RGS6: variants seen among roughly 807,000 people sequenced by gnomAD.
RGS6 encodes the protein regulator of G-protein signaling 6.
RGS6 carries 30 observed loss-of-function variants against 78.5 expected under a neutral mutation model. That is an observed-to-expected ratio of 0.38 (90% CI 0.29 to 0.52). The LOEUF (loss-of-function observed/expected upper bound fraction) is 0.52, where lower values mean the gene tolerates loss of function less well. RGS6 is among the 20% of genes least tolerant of loss of function. RGS6 has a pLI of 0.85. For synonymous variants in RGS6, 206 were observed against 206.0 expected (o/e 1.00, Z 0.00); for missense variants, 495 against 609.7 (o/e 0.81, Z 1.98).
chr14:72,403,860 G>A (rs144721198), intron 3 of RGS6, among the ~76,000 whole-genome samples: 56 of 152,290 alleles, frequency 3.7e-4, no homozygotes, highest in Admixed American at 1.2e-3. Flanking sequence ...TTACCTGAGA[G>A]TGCTGAAAGA....
chr14:72,351,393 T>C (rs1484769855), intron 2 of RGS6, among the ~76,000 whole-genome samples: 1 of 152,220 alleles, frequency 6.6e-6, no homozygotes, highest in Non-Finnish European at 1.5e-5. Flanking sequence ...CTGTTCTGTT[T>C]TCACCAGTAG....
At chr14:72,297,530 C>T (rs1265996717) in intron 2 of RGS6, among the ~76,000 whole-genome samples, 1 of 149,306 alleles carries the variant, frequency 6.7e-6, no homozygotes, top group African/African-American at 2.5e-5. Context: ...CCCACTAACT[C>T]GTCATCTAGC....
chr14:72,255,022 C>A (rs1008493278), intron 2 of RGS6, among the ~76,000 whole-genome samples: 9 of 152,182 alleles, frequency 5.9e-5, no homozygotes, highest in African/African-American at 1.9e-4. Flanking sequence ...TTTTGAGGCT[C>A]ACAGTTCCCT....
the RGS6 span, among the ~76,000 whole-genome samples, chr14:71,924,413 A>G: frequency 7.9e-3 from 1,202 of 152,312 alleles, 12 homozygotes; most frequent in African/African-American, 0.027. Context: ...AGCACCTAAA[A>G]TCTACTCTCT....
chr14:71,917,970 G>A, the RGS6 span, among the ~76,000 whole-genome samples: 30 of 151,846 alleles, frequency 2.0e-4, no homozygotes, highest in Admixed American at 2.0e-3. Context: ...TCAGGAGATC[G>A]AGACCATCCT....
chr14:72,308,611 A>T (rs902400576), intron 2 of RGS6, among the ~76,000 whole-genome samples: 1 of 152,236 alleles, frequency 6.6e-6, no homozygotes, highest in East Asian at 1.9e-4. Context: ...ATTAGTTAGT[A>T]TGAAAATTTG....
intron 3 of RGS6, among the ~76,000 whole-genome samples, chr14:72,357,125 G>C (rs970221393): frequency 6.6e-6 from 1 of 151,974 alleles, no homozygotes; most frequent in Non-Finnish European, 1.5e-5. Flanking sequence ...ACAAAAATTA[G>C]CTCAGTGGTA....
intron 2 of RGS6, among the ~76,000 whole-genome samples, chr14:72,329,736 G>T (rs955539398): frequency 2.0e-5 from 3 of 152,222 alleles, no homozygotes; most frequent in African/African-American, 7.2e-5. Flanking sequence ...TGGAGCAGCT[G>T]TGTGACAGAT....
intron 2 of RGS6, among the ~76,000 whole-genome samples, chr14:72,311,315 A>G (rs769779584): frequency 3.9e-5 from 6 of 152,328 alleles, no homozygotes; most frequent in South Asian, 2.1e-4. Flanking sequence ...GATTTTTATC[A>G]CACAATCTCA....
intron 2 of RGS6, among the ~76,000 whole-genome samples, chr14:72,309,342 G>A (rs1222498826): frequency 6.6e-6 from 1 of 152,202 alleles, no homozygotes; most frequent in South Asian, 2.1e-4. Context: ...ATTTGTAATC[G>A]TGGTTGCAAA....
chr14:72,364,014 A>C (rs1353888403), intron 3 of RGS6, among the ~76,000 whole-genome samples: 3 of 151,102 alleles, frequency 2.0e-5, no homozygotes, highest in African/African-American at 4.8e-5. Context: ...AAAAAAAAAA[A>C]AAAAAAAAAA....
intron 13 of RGS6, among the ~76,000 whole-genome samples, chr14:72,502,668 G>A (rs1029798847): frequency 6.6e-6 from 1 of 152,186 alleles, no homozygotes; most frequent in Non-Finnish European, 1.5e-5. Context: ...GGAGCCTGAG[G>A]CAGGAGAATA....
chr14:72,117,294 C>G (rs1255931454), intron 2 of RGS6, among the ~76,000 whole-genome samples: 1 of 152,074 alleles, frequency 6.6e-6, no homozygotes, highest in East Asian at 1.9e-4. Flanking sequence ...GTGTTTGGAT[C>G]ATGAGAGGAG....
intron 2 of RGS6, among the ~76,000 whole-genome samples, chr14:72,261,300 A>C (rs1017720009): frequency 6.6e-6 from 1 of 152,174 alleles, no homozygotes; most frequent in African/African-American, 2.4e-5. Context: ...GAGAAGAGCT[A>C]CGGCACAGAG....
intron 2 of RGS6, among the ~76,000 whole-genome samples, chr14:72,011,298 T>C (rs2085650467): frequency 6.6e-6 from 1 of 152,218 alleles, no homozygotes; most frequent in Non-Finnish European, 1.5e-5. Context: ...AGGGTTCTAG[T>C]CCTGCTTTCA....
intron 2 of RGS6, among the ~76,000 whole-genome samples, chr14:72,338,511 C>A (rs768497750): frequency 6.6e-6 from 1 of 152,216 alleles, no homozygotes; most frequent in Non-Finnish European, 1.5e-5. Context: ...AAGGGAGATA[C>A]ACTTCAAGAT....
chr14:72,074,268 C>G (rs1352715430), intron 2 of RGS6, among the ~76,000 whole-genome samples: 1 of 152,168 alleles, frequency 6.6e-6, no homozygotes, highest in Non-Finnish European at 1.5e-5. Context: ...GTGATCATAG[C>G]GCACTGCAGC....
chr14:72,229,873 C>T (rs1190262555), intron 2 of RGS6, among the ~76,000 whole-genome samples: 3 of 152,194 alleles, frequency 2.0e-5, no homozygotes, highest in Non-Finnish European at 4.4e-5. Context: ...ATCCTTATAT[C>T]TCAGAGTGAC....
chr14:72,138,333 C>T (rs1471201690), intron 2 of RGS6, among the ~76,000 whole-genome samples: 1 of 151,646 alleles, frequency 6.6e-6, no homozygotes, highest in African/African-American at 2.4e-5. Context: ...TAGAAATGAA[C>T]ATCATGAGCG....
Sources: allele counts gnomAD v4.1 joint callset (sites outside exome capture counted in the v4.1 genomes callset), GRCh38; gene constraint gnomAD v4.1.1; transcripts MANE v1.5; gene names NCBI Gene and HGNC (gene_info 2026-07-23, HGNC 2026-07-21).